E2F6: variants seen among roughly 807,000 people sequenced by gnomAD.
E2F6 encodes the protein transcription factor E2F6.
In E2F6, 19 loss-of-function variants were observed where a neutral mutation model predicts 31.5. The observed-to-expected ratio is 0.60, with a 90% CI of 0.42 to 0.89. The LOEUF (loss-of-function observed/expected upper bound fraction) is 0.89, where lower values mean the gene tolerates loss of function less well. Among genes scored for constraint, E2F6 ranks in the 40% least tolerant of loss-of-function variants. E2F6 has a pLI of 0.00. For synonymous variants in E2F6, 121 were observed against 127.7 expected (o/e 0.95, Z 0.36); for missense variants, 269 against 341.6 (o/e 0.79, Z 1.67).
At chr2:11,454,354 T>A (rs552285073) in intron 2 of E2F6, among the ~76,000 whole-genome samples, 1 of 145,016 alleles carries the variant, frequency 6.9e-6, no homozygotes, top group Non-Finnish European at 1.5e-5. Context: ...ATCTCTCTCT[T>A]TTTTTTTTTT....
rs774624009 is a variant in E2F6, at chr2:11,446,429, C to G, written c.*48G>C. ...ATCAAATTTGATGCGTAATTCTCCA[C>G]GAAGATATTCCCAAAAAACTCAGTG... On this transcript the variant is annotated 3_prime_UTR_variant, in exon 7 of 7. Transcript: ENST00000381525. 7 of 1,396,940 alleles carry G rather than the reference C, an allele frequency of 5.0e-6. No individual in the cohort carries two copies. Among genetic ancestry groups the G allele is most frequent in the South Asian group, 2.3e-5 (2 of 85,322 alleles). The allele number at this position is 1,396,940 out of a possible 1,614,324, so 86.5% of individuals were successfully genotyped here.
intron 1 of E2F6, among the ~76,000 whole-genome samples, chr2:11,463,159 C>T (rs1043467550): frequency 6.6e-6 from 1 of 152,176 alleles, no homozygotes; most frequent in Admixed American, 6.5e-5. Context: ...TACCAATATA[C>T]AGCTGACCCT....
intron 4 of E2F6, chr2:11,451,412 G>A (rs548559061): frequency 3.4e-4 from 78 of 231,792 alleles, no homozygotes; most frequent in Admixed American, 1.1e-3. Flanking sequence ...GTGCAATGGC[G>A]CCATCTCCGC....
intron 1 of E2F6, chr2:11,458,479 A>G: frequency 1.1e-6 from 1 of 906,076 alleles, no homozygotes; most frequent in Non-Finnish European, 1.8e-6. Context: ...CTTGACTTTG[A>G]AGCTGGGAGG....
At chr2:11,462,301 A>C (rs1322226967) in intron 1 of E2F6, among the ~76,000 whole-genome samples, 1 of 152,230 alleles carries the variant, frequency 6.6e-6, no homozygotes, top group Admixed American at 6.5e-5. Context: ...AAACAGTACC[A>C]ATCTCTATAT....
chr2:11,454,156 T>C (rs1314110895), intron 2 of E2F6, among the ~76,000 whole-genome samples: 4 of 152,212 alleles, frequency 2.6e-5, no homozygotes, highest in Non-Finnish European at 5.9e-5. Context: ...ATTTTTAAAA[T>C]TAAATTTCTC....
At chr2:11,463,816 T>C (rs931580004) in intron 1 of E2F6, among the ~76,000 whole-genome samples, 67 of 151,864 alleles carry the variant, frequency 4.4e-4, no homozygotes, top group Admixed American at 1.2e-3. Flanking sequence ...CCAGGTGTGG[T>C]GGCATGTGCC....
intron 1 of E2F6, among the ~76,000 whole-genome samples, chr2:11,461,159 T>C (rs1011295253): frequency 1.3e-5 from 2 of 152,078 alleles, no homozygotes; most frequent in Admixed American, 6.5e-5. Context: ...GAAAGGATGA[T>C]ACCACTGTAG....
chr2:11,462,831 G>C (rs1312450666), intron 1 of E2F6, among the ~76,000 whole-genome samples: 1 of 152,154 alleles, frequency 6.6e-6, no homozygotes, highest in East Asian at 1.9e-4. Flanking sequence ...TAAAACTAAT[G>C]AATTATTTCT....
chr2:11,457,911 G>A (rs1423717081), intron 1 of E2F6, among the ~76,000 whole-genome samples: 1 of 152,138 alleles, frequency 6.6e-6, no homozygotes, highest in African/African-American at 2.4e-5. Flanking sequence ...AGAAACTTTT[G>A]CGTTAGATAA....
intron 1 of E2F6, among the ~76,000 whole-genome samples, chr2:11,462,821 T>TA (rs1671868973): frequency 6.6e-6 from 1 of 152,192 alleles, no homozygotes; most frequent in African/African-American, 2.4e-5. Flanking sequence ...GCAAGCAGTT[T>TA]AAAACTAATG....
rs1670677394 is a variant in E2F6 at position 11,445,783 on chromosome 2, C to A, written c.*694G>T. Reference sequence around the variant, plus strand: ...CTGACTCCAATTTTAGCACTGAAAACCATATTAAAATACTTTAATTAAATC... The same window carrying A: ...CTGACTCCAATTTTAGCACTGAAAAACATATTAAAATACTTTAATTAAATC... On this transcript the variant is annotated 3_prime_UTR_variant, in exon 7 of 7. Coordinates refer to ENST00000381525, the MANE Select transcript of E2F6 (RefSeq NM_198256.4). 6.6e-6 allele frequency: 1 copy of A among 151,796 alleles called. No homozygotes were observed. The highest frequency in any genetic ancestry group is 6.6e-5 in the Admixed American group (1 of 15,244). 9.4% of individuals were successfully genotyped at this position (151,796 alleles called of 1,614,324 possible). A position where few individuals can be genotyped will look rare whatever the true frequency, so the allele number is the denominator to read the frequency against.
intron 1 of E2F6, among the ~76,000 whole-genome samples, chr2:11,461,851 A>C (rs1330765026): frequency 6.6e-6 from 1 of 152,238 alleles, no homozygotes; most frequent in Non-Finnish European, 1.5e-5. Context: ...ACTTTGTCCA[A>C]AGACAATAGG....
intron 1 of E2F6, among the ~76,000 whole-genome samples, chr2:11,457,624 A>G (rs189065978): frequency 6.6e-6 from 1 of 152,322 alleles, no homozygotes; most frequent in African/African-American, 2.4e-5. Flanking sequence ...CTCCGTCTCA[A>G]AAAACAAAAC....
At chr2:11,451,141 C>G (rs1671036507) in intron 4 of E2F6, 1 of 152,150 alleles carries the variant, frequency 6.6e-6, no homozygotes, top group Non-Finnish European at 1.5e-5. Flanking sequence ...ATGAACTTCA[C>G]AAAAGCCAAC....
chr2:11,457,421 G>A (rs970654985), intron 1 of E2F6, among the ~76,000 whole-genome samples, 188 bp from the exon 2 acceptor site: 3 of 152,142 alleles, frequency 2.0e-5, no homozygotes, highest in East Asian at 1.9e-4. Flanking sequence ...TGAGGAGTTC[G>A]AGACCAGCCT....
chr2:11,458,440 A>G, intron 1 of E2F6: 1 of 1,419,260 alleles, frequency 7.0e-7, no homozygotes, highest in Non-Finnish European at 9.7e-7. Context: ...GTTTCTGGGA[A>G]CCCACTGAAG....
rs764624613 is a variant in E2F6, at chr2:11,457,221, T to G, written c.121A>C (p.Arg41=). Residue 41 remains arginine, a synonymous_variant, in exon 2 of 7, where the codon AGG becomes CGG. Transcript: ENST00000381525. ...NVEGLLPSKI[R]INLEDNVQYV... ...TGTACATTATCTTCTAAATTAATCC[T>G]TATTTTTGATGGCTGAAAAAAAAGA... 1 of 1,548,756 alleles carries G rather than the reference T, an allele frequency of 6.5e-7. No homozygotes were observed. Among genetic ancestry groups the G allele is most frequent in the South Asian group, 1.1e-5 (1 of 88,838 alleles).
At chr2:11,452,666 G>C (rs1214511337) in intron 3 of E2F6, among the ~76,000 whole-genome samples, 1 of 151,188 alleles carries the variant, frequency 6.6e-6, no homozygotes, top group Admixed American at 6.6e-5. Flanking sequence ...AATATGATAT[G>C]ACCAGGCAAC....
Sources: gnomAD v4.1 joint callset for allele counts (sites outside exome capture counted in the v4.1 genomes callset) on GRCh38, gnomAD v4.1.1 for gene constraint, MANE v1.5 for transcripts, NCBI Gene and HGNC (gene_info 2026-07-23, HGNC 2026-07-21) for gene names.